NDUFA7: variants seen among roughly 807,000 people sequenced by gnomAD.
The protein encoded by NDUFA7 is NADH dehydrogenase [ubiquinone] 1 alpha subcomplex subunit 7.
A neutral mutation model predicts 14.2 loss-of-function variants in NDUFA7; 18 were observed. That is an observed-to-expected ratio of 1.27 (90% CI 0.88 to 1.88). The LOEUF is 1.88. Ranked by LOEUF, NDUFA7 falls within the 40% of genes most tolerant of loss-of-function variation. The probability of loss-of-function intolerance (pLI) is 0.00; values close to 1 mark genes in which losing one functional copy is unlikely to be tolerated. For missense variants in NDUFA7, 172 were observed against 147.3 expected, an observed-to-expected ratio of 1.17 and a Z score of -0.87; for synonymous variants, 75 against 62.1, an observed-to-expected ratio of 1.21 and a Z score of -0.98.
intron 3 of NDUFA7, among the ~76,000 whole-genome samples, chr19:8,313,016 C>T (rs1473747326): frequency 6.6e-6 from 1 of 151,722 alleles, no homozygotes; most frequent in Non-Finnish European, 1.5e-5. Context: ...AGGCTGGTGT[C>T]GATCTCCTGA....
intron 2 of NDUFA7, among the ~76,000 whole-genome samples, chr19:8,317,865 G>A (rs1486066672): frequency 6.6e-6 from 1 of 152,130 alleles, no homozygotes; most frequent in Non-Finnish European, 1.5e-5. Context: ...GGAGTCGGGG[G>A]TCTTGCTATG....
chr19:8,311,739 A>G (rs1018288044), intron 3 of NDUFA7, 144 bp from the exon 4 acceptor site: 10 of 609,826 alleles, frequency 1.6e-5, no homozygotes, highest in Middle Eastern at 4.7e-4. Flanking sequence ...CAGAATGCCA[A>G]CCCCTCCAAC....
intron 3 of NDUFA7, among the ~76,000 whole-genome samples, chr19:8,312,803 T>C (rs1297104953): frequency 1.3e-5 from 2 of 152,174 alleles, no homozygotes; most frequent in Admixed American, 6.6e-5. Flanking sequence ...TAGCTGGGCC[T>C]ACGGGTGCAC....
chr19:8,309,967 G>A (rs1473684735), downstream of NDUFA7, among the ~76,000 whole-genome samples: 1 of 152,198 alleles, frequency 6.6e-6, no homozygotes, highest in Admixed American at 6.5e-5. Context: ...ATGGGATCTG[G>A]CTCAGGGAGG....
chr19:8,317,321 C>G (rs1163806776), intron 2 of NDUFA7, among the ~76,000 whole-genome samples: 1 of 152,132 alleles, frequency 6.6e-6, no homozygotes, highest in African/African-American at 2.4e-5. Context: ...AATCCCAGCA[C>G]TTTGGGAGGC....
intron 2 of NDUFA7, among the ~76,000 whole-genome samples, chr19:8,320,124 G>C (rs1970284463): frequency 2.0e-5 from 3 of 152,174 alleles, no homozygotes; most frequent in Admixed American, 2.0e-4. Flanking sequence ...CAAGTGCTGG[G>C]ATCACAAGCG....
chr19:8,318,205 C>T (rs1970258324), intron 2 of NDUFA7, among the ~76,000 whole-genome samples: 2 of 151,480 alleles, frequency 1.3e-5, no homozygotes, highest in Admixed American at 1.3e-4. Context: ...GGCTAGAGTG[C>T]TGTGGTGCGA....
chr19:8,315,399 T>C (rs1970221691), intron 3 of NDUFA7, among the ~76,000 whole-genome samples: 1 of 152,180 alleles, frequency 6.6e-6, no homozygotes. Flanking sequence ...CGATTGTATA[T>C]TCCATCTACT....
At chr19:8,315,879 G>A (rs1187398790) in intron 3 of NDUFA7, among the ~76,000 whole-genome samples, 2 of 151,988 alleles carry the variant, frequency 1.3e-5, no homozygotes, top group Non-Finnish European at 2.9e-5. Flanking sequence ...AACAGGCCAG[G>A]CACGGTGGGT....
At chr19:8,316,691 T>C in intron 2 of NDUFA7, 46 bp from the exon 3 acceptor site, 3 of 1,602,460 alleles carry the variant, frequency 1.9e-6, no homozygotes, top group East Asian at 2.2e-5. Context: ...ACAGTCACTG[T>C]CATGGCCCCG....
At chr19:8,320,027 G>A (rs1970283083) in intron 2 of NDUFA7, among the ~76,000 whole-genome samples, 1 of 151,996 alleles carries the variant, frequency 6.6e-6, no homozygotes, top group African/African-American at 2.4e-5. Context: ...TGTATTTCTA[G>A]TAGAGAGGGG....
intron 3 of NDUFA7, among the ~76,000 whole-genome samples, chr19:8,315,843 C>CAAAACA (rs539115494): frequency 1.1e-3 from 171 of 151,926 alleles, no homozygotes; most frequent in East Asian, 4.3e-3. Flanking sequence ...GACTCCATCT[C>CAAAACA]AAAACAAAAA....
At chr19:8,321,255 G>T (rs1342234998) in intron 1 of NDUFA7, 53 bp downstream of exon 1, 3 of 1,493,524 alleles carry the variant, frequency 2.0e-6, no homozygotes, top group East Asian at 4.9e-5. Flanking sequence ...AGCGGGTCCC[G>T]GACACACGGA....
At chr19:8,311,617 G>T in intron 3 of NDUFA7, 22 bp from the exon 4 acceptor site, 1 of 1,599,262 alleles carries the variant, frequency 6.3e-7, no homozygotes. Context: ...AAAGACTTCA[G>T]TGAGGGTTTC....
chr19:8,311,749 C>T (rs922732430), intron 3 of NDUFA7, among the ~76,000 whole-genome samples, 154 bp from the exon 4 acceptor site: 8 of 152,178 alleles, frequency 5.3e-5, no homozygotes, highest in South Asian at 2.1e-4. Context: ...ACCCCTCCAA[C>T]GCAGCCCCTC....
intron 3 of NDUFA7, 43 bp from the exon 4 acceptor site, chr19:8,311,638 T>A: frequency 6.4e-7 from 1 of 1,567,554 alleles, no homozygotes; most frequent in Non-Finnish European, 8.7e-7. Flanking sequence ...CAAAGAACAG[T>A]GTGGAAAGAT....
At chr19:8,310,167 C>T (rs182454394), downstream of NDUFA7, among the ~76,000 whole-genome samples, 40 of 152,276 alleles carry the variant, frequency 2.6e-4, no homozygotes, top group Admixed American at 9.2e-4. Flanking sequence ...CGGTGGCTCA[C>T]GCCTGTAATC....
chr19:8,309,415 A>G (rs2145385941), downstream of NDUFA7, among the ~76,000 whole-genome samples: 1 of 151,918 alleles, frequency 6.6e-6, no homozygotes, highest in Admixed American at 6.6e-5. Context: ...CGGAGGTTGC[A>G]GTGCGCCGAG....
intron 3 of NDUFA7, among the ~76,000 whole-genome samples, chr19:8,313,608 T>C (rs1288368591): frequency 5.9e-5 from 9 of 152,202 alleles, no homozygotes; most frequent in African/African-American, 1.9e-4. Flanking sequence ...AAGTCTAGCA[T>C]CCCTATTTTA....
Sources: gnomAD v4.1 joint callset for allele counts (sites outside exome capture counted in the v4.1 genomes callset) on GRCh38, gnomAD v4.1.1 for gene constraint, MANE v1.5 for transcripts, NCBI Gene and HGNC (gene_info 2026-07-23, HGNC 2026-07-21) for gene names.